The following UQCRC1 variants were observed in gnomAD, a reference collection of about 807,000 sequenced individuals.
The protein encoded by UQCRC1 is cytochrome b-c1 complex subunit 1, mitochondrial.
UQCRC1 carries 34 observed loss-of-function variants against 58.0 expected under a neutral mutation model. The observed-to-expected ratio is 0.59, with a 90% CI of 0.45 to 0.78. The LOEUF is 0.78. Among genes scored for constraint, UQCRC1 ranks in the 30% least tolerant of loss-of-function variants. The probability of loss-of-function intolerance (pLI) is 0.00; values close to 1 mark genes in which losing one functional copy is unlikely to be tolerated. For synonymous variants in UQCRC1, 276 were observed against 248.8 expected, an observed-to-expected ratio of 1.11 and a Z score of -1.03; for missense variants, 610 against 646.0, an observed-to-expected ratio of 0.94 and a Z score of 0.60.
In UQCRC1 at chr3:48,607,891, C is replaced by T. The variant is rs185686040; in HGVS notation, c.210+1271G>A. 5.3e-3 allele frequency among the ~76,000 whole-genome samples: 806 copies of T among 152,018 alleles called. 7 individuals carry two copies. Among genetic ancestry groups the T allele is most frequent in the African/African-American group, 0.019 (767 of 41,446 alleles). On this transcript the variant is annotated intron_variant, in intron 2 of 12. Transcript: ENST00000203407. ...CCAGGCTGGAGTGCAGTGGCTCCAT[C>T]TCGGCTCACTGCAATCTCTGCCTCC...
Position 48,601,344 on chromosome 3 carries a change from C to T in UQCRC1, c.822+8G>A, listed in dbSNP as rs770202411. 4 of 1,613,896 alleles carry T rather than the reference C, an allele frequency of 2.5e-6. No individual in the cohort carries two copies. Among genetic ancestry groups the T allele is most frequent in the Non-Finnish European group, 3.4e-6 (4 of 1,179,886 alleles). On this transcript the variant is annotated splice_region_variant and intron_variant, in intron 7 of 12. Coordinates refer to ENST00000203407, the MANE Select transcript of UQCRC1 (RefSeq NM_003365.3). ...CTGAGCACTACTCCTGCCCAAAAGG[C>T]AGCATACCTCACTGCCAGTGAAGCG...
intron 2 of UQCRC1, among the ~76,000 whole-genome samples, chr3:48,607,992 T>C (rs931038409): frequency 6.6e-6 from 1 of 152,186 alleles, no homozygotes; most frequent in Admixed American, 6.5e-5. Flanking sequence ...TGGCTAATTT[T>C]TGTATTTTTA....
chr3:48,604,210 C>G (rs1381521542), intron 5 of UQCRC1, 23 bp downstream of exon 5: 1 of 1,610,596 alleles, frequency 6.2e-7, no homozygotes, highest in African/African-American at 1.3e-5. Flanking sequence ...AAGCATCCCC[C>G]CACAAGGCCA....
chr3:48,601,319 C>T (rs1181963469), intron 7 of UQCRC1, 33 bp downstream of exon 7: 6 of 1,610,858 alleles, frequency 3.7e-6, no homozygotes, highest in Non-Finnish European at 5.1e-6. Context: ...AGGCCCCCAG[C>T]TGAGCACTAC....
intron 10 of UQCRC1, 98 bp from the exon 11 acceptor site, chr3:48,600,249 T>G: frequency 4.4e-6 from 6 of 1,358,702 alleles, no homozygotes; most frequent in Non-Finnish European, 6.2e-6. Context: ...AGGACCTCCC[T>G]GACCTCATGC....
chr3:48,608,276 A>G (rs2046431870), intron 2 of UQCRC1, among the ~76,000 whole-genome samples: 1 of 152,230 alleles, frequency 6.6e-6, no homozygotes, highest in African/African-American at 2.4e-5. Context: ...CAATGCATAT[A>G]CCATATATCA....
intron 2 of UQCRC1, among the ~76,000 whole-genome samples, chr3:48,607,452 G>A (rs193131123): frequency 1.5e-3 from 221 of 152,304 alleles, no homozygotes; most frequent in African/African-American, 5.2e-3. Context: ...TGGGATTATA[G>A]GCATGAGCCA....
At chr3:48,603,341 T>G (rs2046382411) in intron 6 of UQCRC1, among the ~76,000 whole-genome samples, 1 of 152,116 alleles carries the variant, frequency 6.6e-6, no homozygotes, top group South Asian at 2.1e-4. Context: ...GACAGACCTG[T>G]ACCAGAGGGA....
intron 6 of UQCRC1, 40 bp downstream of exon 6, chr3:48,603,524 G>T (rs1364835053): frequency 6.2e-7 from 1 of 1,605,466 alleles, no homozygotes; most frequent in African/African-American, 1.3e-5. Flanking sequence ...ACCAAGGCTG[G>T]GACCCCACTA....
In UQCRC1 at chr3:48,601,519, G is replaced by T. The variant is rs776517103; in HGVS notation, c.707-52C>A. ...GACCAGCCAGGGCCCAAGGCACAGG[G>T]TGGGGCGATTCACAGACAGGCAGAG... is the stretch of plus-strand genomic sequence containing the variant. On this transcript the variant is annotated intron_variant, in intron 6 of 12. Transcript: ENST00000203407. 9 of 1,562,428 alleles carry T rather than the reference G, an allele frequency of 5.8e-6. No homozygotes were observed. In the Admixed American group the frequency reaches 1.2e-4, roughly 22 times the overall value.
intron 6 of UQCRC1, 52 bp downstream of exon 6, chr3:48,603,512 T>G: frequency 6.3e-7 from 1 of 1,592,188 alleles, no homozygotes; most frequent in East Asian, 2.2e-5. Context: ...TCGGCTTTGA[T>G]AACCAAGGCT....
chr3:48,605,938 C>T (rs574581360), intron 2 of UQCRC1, 82 bp from the exon 3 acceptor site: 25 of 1,363,756 alleles, frequency 1.8e-5, no homozygotes, highest in Non-Finnish European at 2.3e-5. Flanking sequence ...TGACTCAGTA[C>T]AAGCCCCAGG....
intron 12 of UQCRC1, 91 bp downstream of exon 12, chr3:48,599,544 C>T (rs2046342417): frequency 2.1e-6 from 3 of 1,427,444 alleles, no homozygotes; most frequent in Non-Finnish European, 9.8e-7. Context: ...GCTCTGTAAG[C>T]TGAGCAGCAG....
rs1418481545 is a variant in UQCRC1, at chr3:48,609,235, G to A, written c.137C>T (p.Pro46Leu). The A allele has an allele frequency of 1.9e-6, 3 of 1,612,796 alleles. No homozygotes were observed. The highest frequency in any genetic ancestry group is 2.2e-5 in the South Asian group (2 of 91,060). ...GTCCAGCAGGCTAACCTGCGTCTCCGGCACGAACTGGAGCGCCTGAGCGAA... is the reference window on the plus strand; with the variant it reads ...GTCCAGCAGGCTAACCTGCGTCTCCAGCACGAACTGGAGCGCCTGAGCGAA... ...ATFAQALQFV[P>L]ETQVSLLDNG... The change falls in exon 2 of 13, where the codon CCG becomes CTG. Residue 46 changes from proline to leucine, a missense_variant. Physicochemically the swap from Pro to Leu is moderately conservative, Grantham distance 98. Transcript: ENST00000203407.
Position 48,609,612 on chromosome 3 carries a change from C to A in UQCRC1, c.9G>T (p.Ala3=), listed in dbSNP as rs987029665. The A allele has an allele frequency of 8.9e-6, 14 of 1,568,364 alleles. No individual in the cohort carries two copies. In the East Asian group the frequency reaches 3.3e-4, roughly 37 times the overall value. Residue 3 remains alanine, a synonymous_variant, in exon 1 of 13, where the codon GCG becomes GCT. Transcript: ENST00000203407. The part of the protein sequence containing the change: MA[A]SVVCRAATAG... ...CGGTAGCGGCCCGACAGACCACGGA[C>A]GCCGCCATCTTCCAGCTGCAGTCGG...
chr3:48,600,975 C>G lies in UQCRC1; in HGVS notation c.966G>C (p.Val322=). 3.1e-6 allele frequency: 5 copies of G among 1,603,196 alleles called. No individual in the cohort carries two copies. The highest frequency in any genetic ancestry group is 4.3e-6 in the Non-Finnish European group (5 of 1,171,620). Reference sequence around the variant, plus strand: ...GTCCCATGCTCGCGCTGGCACTCACCACGCCACCACCATAAGTGCAGTCAT... The same window carrying G: ...GTCCCATGCTCGCGCTGGCACTCACGACGCCACCACCATAAGTGCAGTCAT... ...GHYDCTYGGG[V]HLSSPLASGA... is the part of the protein sequence containing the mutation. Residue 322 remains valine (V), a splice_region_variant and synonymous_variant, in exon 8 of 13, where the codon GTG becomes GTC. Transcript: ENST00000203407.
At position 48,609,611 on chromosome 3, in the gene UQCRC1, A is replaced by G. The variant is rs1020021235; in HGVS notation, c.10T>C (p.Ser4Pro). 3.8e-6 allele frequency: 6 copies of G among 1,568,354 alleles called. No homozygotes were observed. Among genetic ancestry groups the G allele is most frequent in the Admixed American group, 1.8e-5 (1 of 55,826 alleles). Residue 4 changes from serine (S) to proline (P), a missense_variant, in exon 1 of 13, where the codon TCC becomes CCC. Transcript: ENST00000203407. MAA[S>P]VVCRAATAGA... ...GCGGTAGCGGCCCGACAGACCACGG[A>G]CGCCGCCATCTTCCAGCTGCAGTCG... is the stretch of plus-strand genomic sequence containing the variant.
At position 48,609,182 on chromosome 3, in the gene UQCRC1, A is replaced by G. The variant is rs1357424560; in HGVS notation, c.190T>C (p.Ser64Pro). 2 of 1,611,656 alleles carry G rather than the reference A, an allele frequency of 1.2e-6. No individual in the cohort carries two copies. The highest frequency in any genetic ancestry group is 1.7e-6 in the Non-Finnish European group (2 of 1,178,748). ...CTCACCGTGCAAGTGGGCTGAGAGG[A>G]CTGCTCGGAGGCCACACGCAGGCCG... ...DNGLRVASEQ[S>P]SQPTCTVGVW... The change falls in exon 2 of 13, where the codon TCC (serine) becomes CCC (proline). Residue 64 changes from serine to proline, a missense_variant. Ser to Pro is a moderately conservative substitution (Grantham distance 74, BLOSUM62 -1). Transcript: ENST00000203407.
chr3:48,609,629 T>G lies in UQCRC1; in HGVS notation c.-9A>C, dbSNP rs2046447802. On this transcript the variant is annotated 5_prime_UTR_variant, in exon 1 of 13. Transcript: ENST00000203407. ...ACCACGGACGCCGCCATCTTCCAGC[T>G]GCAGTCGGCCCTGTTGCGCCGCGCA... is the stretch of plus-strand genomic sequence containing the variant. 6.4e-7 allele frequency: 1 copy of G among 1,562,316 alleles called. No homozygotes were observed. Among genetic ancestry groups the G allele is most frequent in the South Asian group, 1.2e-5 (1 of 85,756 alleles).
Sources: allele counts gnomAD v4.1 joint callset (sites outside exome capture counted in the v4.1 genomes callset), GRCh38; gene constraint gnomAD v4.1.1; transcripts MANE v1.5; gene names NCBI Gene and HGNC (gene_info 2026-07-23, HGNC 2026-07-21).